The following FHL5 variants were observed in gnomAD, a reference collection of about 807,000 sequenced individuals.
FHL5 encodes the protein four and a half LIM domains 5.
Under a neutral mutation model 32.0 loss-of-function variants are expected in FHL5, and 33 were observed. That is an observed-to-expected ratio of 1.03 (90% CI 0.78 to 1.38). The LOEUF (loss-of-function observed/expected upper bound fraction) is 1.38, where lower values mean the gene tolerates loss of function less well. Among genes scored for constraint, FHL5 ranks in the 40% most tolerant of loss-of-function variants. The pLI is 0.00. For synonymous variants in FHL5, 114 were observed against 113.6 expected, an observed-to-expected ratio of 1.00 and a Z score of -0.02; for missense variants, 336 against 343.9, an observed-to-expected ratio of 0.98 and a Z score of 0.18.
chr6:96,583,495 C>T (rs1040178964), intron 1 of FHL5, among the ~76,000 whole-genome samples: 1 of 152,084 alleles, frequency 6.6e-6, no homozygotes, highest in South Asian at 2.1e-4. Context: ...AGTCCTGTCA[C>T]GATACGGTAG....
intron 3 of FHL5, 94 bp from the exon 4 acceptor site, chr6:96,605,803 TCTTAA>T: frequency 3.1e-6 from 3 of 979,288 alleles, no homozygotes; most frequent in Non-Finnish European, 4.4e-6. Flanking sequence ...TCATTTATCA[TCTTAA>T]CTTAAAACGT....
intron 3 of FHL5, 122 bp from the exon 4 acceptor site, chr6:96,605,780 C>T (rs1487728014): frequency 5.0e-6 from 4 of 798,808 alleles, no homozygotes; most frequent in Non-Finnish European, 7.5e-6. Flanking sequence ...TACTATTTTT[C>T]TAAAAGGACA....
intron 3 of FHL5, 111 bp from the exon 4 acceptor site, chr6:96,605,791 A>G: frequency 1.1e-6 from 1 of 880,330 alleles, no homozygotes. Flanking sequence ...TAAAAGGACA[A>G]TTCATTTATC....
chr6:96,574,639 C>T (rs1770548589), intron 1 of FHL5, among the ~76,000 whole-genome samples: 1 of 152,096 alleles, frequency 6.6e-6, no homozygotes, highest in Non-Finnish European at 1.5e-5. Flanking sequence ...AAGAACCCTG[C>T]CTTCCCAGGG....
intron 1 of FHL5, among the ~76,000 whole-genome samples, chr6:96,573,841 C>G (rs980102820): frequency 2.0e-5 from 3 of 151,824 alleles, no homozygotes; most frequent in African/African-American, 7.3e-5. Context: ...TAATTTTTGA[C>G]CTATAATTGT....
In FHL5 at chr6:96,611,086, C is replaced by T. The variant is rs112065292; in HGVS notation, c.691+328C>T. On this transcript the variant is annotated intron_variant, in intron 5 of 5. Coordinates refer to ENST00000450218, the MANE Select transcript of FHL5 (RefSeq NM_001322466.2). ...CCTTCACGAGGAGATCTGCTTGCAG[C>T]CTCATTAAGTTTTGAGTGGGAGGAG... Among the ~76,000 whole-genome samples, 395 of 152,252 alleles carry T rather than the reference C, an allele frequency of 2.6e-3. 1 individual carries two copies. The highest frequency in any genetic ancestry group is 9.1e-3 in the African/African-American group (377 of 41,560).
rs373438883 is a variant in FHL5, at chr6:96,616,860, C to G, written c.*1088C>G. On this transcript the variant is annotated 3_prime_UTR_variant, in exon 6 of 6. Transcript: ENST00000450218. ...TAATTCACTGCTGATAATTCAGAAC[C>G]TGCAAAGCAGCACAATAGAGTAATG... Among the ~76,000 whole-genome samples the G allele has an allele frequency of 6.6e-6, 1 of 152,154 alleles. No homozygotes were observed. Among genetic ancestry groups the G allele is most frequent in the Non-Finnish European group, 1.5e-5 (1 of 68,028 alleles).
At chr6:96,565,463 AT>A (rs1475070084) in intron 1 of FHL5, among the ~76,000 whole-genome samples, 1 of 152,070 alleles carries the variant, frequency 6.6e-6, no homozygotes, top group East Asian at 1.9e-4. Context: ...AGTCATTTTT[AT>A]TTTTTGTCTT....
chr6:96,612,040 G>A (rs1441760711), intron 5 of FHL5, among the ~76,000 whole-genome samples: 3 of 152,204 alleles, frequency 2.0e-5, no homozygotes, highest in African/African-American at 4.8e-5. Flanking sequence ...TATGGAACTC[G>A]TGGCTGTCCA....
intron 1 of FHL5, among the ~76,000 whole-genome samples, chr6:96,582,407 T>C (rs557287768): frequency 2.6e-5 from 4 of 152,312 alleles, no homozygotes; most frequent in Admixed American, 2.6e-4. Context: ...TTCTTTTTTA[T>C]TTCTTAAAGA....
At chr6:96,595,365 T>C (rs1174604518) in intron 1 of FHL5, among the ~76,000 whole-genome samples, 1 of 151,766 alleles carries the variant, frequency 6.6e-6, no homozygotes, top group Non-Finnish European at 1.5e-5. Flanking sequence ...TTTTTTTTTC[T>C]CTTTGAATGT....
chr6:96,567,691 G>A (rs540914135), intron 1 of FHL5, among the ~76,000 whole-genome samples: 1 of 151,492 alleles, frequency 6.6e-6, no homozygotes, highest in South Asian at 2.1e-4. Context: ...TTTTATTGTA[G>A]AGATCTTTCA....
rs562489754 is a variant in FHL5 at position 96,611,168 on chromosome 6, T to C, written c.691+410T>C. Among the ~76,000 whole-genome samples, 383 of 152,352 alleles carry C rather than the reference T, an allele frequency of 2.5e-3. 2 individuals are homozygous for C. The highest frequency in any genetic ancestry group is 8.8e-3 in the African/African-American group (367 of 41,580). ...TTCTAAAATAGGACCAAGCATCCTT[T>C]AGTTAGGAAGGTTTTAATTAAATTC... On this transcript the variant is annotated intron_variant, in intron 5 of 5. Transcript: ENST00000450218.
At chr6:96,583,549 C>G (rs1770736632) in intron 1 of FHL5, among the ~76,000 whole-genome samples, 1 of 152,094 alleles carries the variant, frequency 6.6e-6, no homozygotes. Flanking sequence ...CATGCAGCTC[C>G]CAACAGAGAA....
At chr6:96,609,814 C>A (rs1338206981) in intron 4 of FHL5, among the ~76,000 whole-genome samples, 1 of 152,182 alleles carries the variant, frequency 6.6e-6, no homozygotes. Flanking sequence ...AGGTTTGAAT[C>A]CTAGCTCACT....
At chr6:96,579,479 T>G (rs1384481399) in intron 1 of FHL5, among the ~76,000 whole-genome samples, 2 of 152,238 alleles carry the variant, frequency 1.3e-5, no homozygotes, top group African/African-American at 4.8e-5. Context: ...CAATATGTAC[T>G]ATACTATTGT....
intron 1 of FHL5, among the ~76,000 whole-genome samples, chr6:96,579,046 T>G (rs1770645386): frequency 6.6e-6 from 1 of 152,164 alleles, no homozygotes; most frequent in South Asian, 2.1e-4. Context: ...ACTAACCTTT[T>G]CTTCTAGTTC....
chr6:96,612,099 T>A (rs1771422368), intron 5 of FHL5, among the ~76,000 whole-genome samples: 1 of 152,158 alleles, frequency 6.6e-6, no homozygotes, highest in Non-Finnish European at 1.5e-5. Context: ...TCTGCATCAC[T>A]CAGCTAGATC....
At chr6:96,593,646 G>A (rs1367847702) in intron 1 of FHL5, among the ~76,000 whole-genome samples, 1 of 152,082 alleles carries the variant, frequency 6.6e-6, no homozygotes, top group Non-Finnish European at 1.5e-5. Context: ...CTCAATCTTT[G>A]TCCCCTTAGC....
Sources: allele counts gnomAD v4.1 joint callset (sites outside exome capture counted in the v4.1 genomes callset), GRCh38; gene constraint gnomAD v4.1.1; transcripts MANE v1.5; gene names NCBI Gene and HGNC (gene_info 2026-07-23, HGNC 2026-07-21).